The following ZNF341 variants were observed in gnomAD, a reference collection of about 807,000 sequenced individuals.
ZNF341 encodes zinc finger protein 341.
ZNF341 carries 52 observed loss-of-function variants against 87.7 expected under a neutral mutation model. The ratio of observed to expected loss-of-function variants is 0.59; its 90% CI spans 0.47 to 0.75. The LOEUF (loss-of-function observed/expected upper bound fraction) is 0.75. Among genes scored for constraint, ZNF341 ranks in the 30% least tolerant of loss-of-function variants. The probability of loss-of-function intolerance (pLI) is 0.00; values close to 1 mark genes in which losing one functional copy is unlikely to be tolerated. For missense variants in ZNF341, 977 were observed against 1,145.9 expected (o/e 0.85, Z 2.13); for synonymous variants, 459 against 472.7 (o/e 0.97, Z 0.38).
chr20:33,786,967 CA>C (rs750671462), intron 12 of ZNF341: 7,245 of 79,854 alleles, frequency 0.091, 313 homozygotes, highest in African/African-American at 0.16. Flanking sequence ...GACTCTGTTT[CA>C]AAAAAAAAAA....
chr20:33,789,783 T>C (rs2019959381), intron 14 of ZNF341, among the ~76,000 whole-genome samples, 195 bp downstream of exon 14: 1 of 152,144 alleles, frequency 6.6e-6, no homozygotes, highest in African/African-American at 2.4e-5. Flanking sequence ...CAGAGATGAA[T>C]CAGACACAGT....
At chr20:33,777,120 C>G (rs139849367) in intron 10 of ZNF341, among the ~76,000 whole-genome samples, 1 of 142,910 alleles carries the variant, frequency 7.0e-6, no homozygotes, top group East Asian at 2.0e-4. Context: ...TTGAGACCAA[C>G]CTGGACTACG....
intron 10 of ZNF341, among the ~76,000 whole-genome samples, chr20:33,780,355 G>C (rs2019715798): frequency 6.6e-6 from 1 of 152,122 alleles, no homozygotes; most frequent in East Asian, 1.9e-4. Context: ...GGCCTTGTAG[G>C]CCAAGGTGGG....
intron 10 of ZNF341, 124 bp from the exon 11 acceptor site, chr20:33,781,167 G>T: frequency 1.4e-6 from 1 of 737,512 alleles, no homozygotes; most frequent in Non-Finnish European, 2.4e-6. Flanking sequence ...TGAGAAGAGT[G>T]GATGGATTTG....
chr20:33,750,509 G>A (rs2019032866), intron 4 of ZNF341, among the ~76,000 whole-genome samples: 1 of 152,102 alleles, frequency 6.6e-6, no homozygotes, highest in South Asian at 2.1e-4. Flanking sequence ...GGTCACTCAG[G>A]CTGGAGTACA....
rs374272660 is a variant in ZNF341, at chr20:33,770,299, G to A, written c.1622+7G>A. 2.1e-6 allele frequency: 2 copies of A among 955,472 alleles called. No individual in the cohort carries two copies. Among genetic ancestry groups the A allele is most frequent in the Non-Finnish European group, 3.1e-6 (2 of 653,884 alleles). 59.2% of individuals were successfully genotyped at this position (955,472 alleles called of 1,614,324 possible). ...AGGACAATGCCGTCTACAAGTAAGT[G>A]CCTCCTGCTTCCCTCTCCCTGGGTG... On this transcript the variant is annotated splice_region_variant and intron_variant, in intron 10 of 14. Coordinates refer to ENST00000375200, the MANE Select transcript of ZNF341 (RefSeq NM_001282933.2).
chr20:33,775,705 T>C (rs2019614178), intron 10 of ZNF341, among the ~76,000 whole-genome samples: 1 of 152,090 alleles, frequency 6.6e-6, no homozygotes, highest in African/African-American at 2.4e-5. Flanking sequence ...TTATTATTGA[T>C]TGATTGATTT....
chr20:33,764,068 A>G (rs2019348243), intron 8 of ZNF341, among the ~76,000 whole-genome samples: 1 of 137,256 alleles, frequency 7.3e-6, no homozygotes, highest in African/African-American at 2.8e-5. Context: ...TCTGTTGCCC[A>G]GGCTGGAGTG....
rs759934373 is a variant in ZNF341, at chr20:33,761,993, A to T, written c.1160A>T (p.Asn387Ile). ...CACAGTGGTGGCACCGTGTCTCGAA[A>T]CTCTGTGACCGTACAGGTCATGGCC... The part of the protein sequence containing the change: ...PGHSGGTVSR[N>I]SVTVQVMALN... Residue 387 changes from asparagine (N) to isoleucine (I), a missense_variant, in exon 8 of 15, where the codon AAC (asparagine) becomes ATC (isoleucine). Transcript: ENST00000375200. The T allele has an allele frequency of 6.2e-7, 1 of 1,605,054 alleles. No individual in the cohort carries two copies. Among genetic ancestry groups the T allele is most frequent in the South Asian group, 1.1e-5 (1 of 90,148 alleles).
intron 12 of ZNF341, chr20:33,787,673 G>A (rs1213317617): frequency 6.6e-6 from 1 of 152,236 alleles, no homozygotes; most frequent in African/African-American, 2.4e-5. Flanking sequence ...TAGCTCAGAT[G>A]GGCTCTGGAT....
Position 33,758,758 on chromosome 20 carries a change from G to A in ZNF341, c.980G>A (p.Cys327Tyr). The change falls in exon 7 of 15, where the codon TGT becomes TAT. Residue 327 changes from cysteine (C) to tyrosine (Y), a missense_variant. By Grantham distance (194) the Cys-to-Tyr change is radical (BLOSUM62 -2). Around this residue, in one of 3 missense-constraint regions of ZNF341, gnomAD observed 515 missense variants for 598.2 expected, o/e 0.86. Coordinates refer to ENST00000375200, the MANE Select transcript of ZNF341 (RefSeq NM_001282933.2). ...PKAQKLKCSY[C>Y]DKSFTKNFDL... ...GCTCAGAAACTCAAGTGCTCATACT[G>A]TGACAAGTCATTCACCAAAAACTTT... 6.2e-7 allele frequency: 1 copy of A among 1,614,006 alleles called. No homozygotes were observed. The highest frequency in any genetic ancestry group is 1.1e-5 in the South Asian group (1 of 91,018).
intron 2 of ZNF341, among the ~76,000 whole-genome samples, chr20:33,741,922 GC>G (rs1308191299): frequency 6.6e-6 from 1 of 152,174 alleles, no homozygotes; most frequent in Non-Finnish European, 1.5e-5. Flanking sequence ...CAATTGTTCT[GC>G]CTCATAGGAA....
chr20:33,790,164 C>T (rs2019970687), intron 14 of ZNF341, among the ~76,000 whole-genome samples: 1 of 151,624 alleles, frequency 6.6e-6, no homozygotes, highest in Admixed American at 6.6e-5. Flanking sequence ...CTCTGCCTCC[C>T]AGGTTCAAGC....
rs2018593265 is a variant in ZNF341, at chr20:33,732,513, C to G, written c.31+461C>G. On this transcript the variant is annotated intron_variant, in intron 1 of 14. Transcript: ENST00000375200. The surrounding 1 kb of genome is among the most constrained non-coding windows in gnomAD (Gnocchi z 4.5). ...TGCGGAGCGGACTGTATGCCTCGTG[C>G]TAGGACGTAGTCTCAAAATCAGACC... is the stretch of plus-strand genomic sequence containing the variant. Among the ~76,000 whole-genome samples the G allele has an allele frequency of 6.6e-6, 1 of 152,236 alleles. No homozygotes were observed. The highest frequency in any genetic ancestry group is 1.5e-5 in the Non-Finnish European group (1 of 68,034).
chr20:33,791,697 C>A lies in ZNF341; in HGVS notation c.*180C>A. 1.5e-6 allele frequency: 1 copy of A among 675,662 alleles called. No homozygotes were observed. The highest frequency in any genetic ancestry group is 2.4e-6 in the Non-Finnish European group (1 of 424,562). 41.9% of individuals were successfully genotyped at this position (675,662 alleles called of 1,614,324 possible). A position where few individuals can be genotyped will look rare whatever the true frequency, so the allele number is the denominator to read the frequency against. On this transcript the variant is annotated 3_prime_UTR_variant, in exon 15 of 15. Transcript: ENST00000375200. ...TCGCCCTCCTGTGCCCCTCTCCTGC[C>A]GGAAAGCCCTGCAACATTCTAGGGT...
In ZNF341 at chr20:33,761,938, A is replaced by G. The variant is rs1601258772; in HGVS notation, c.1105A>G (p.Met369Val). 1.2e-6 allele frequency: 2 copies of G among 1,608,362 alleles called. No homozygotes were observed. Among genetic ancestry groups the G allele is most frequent in the Non-Finnish European group, 1.7e-6 (2 of 1,176,002 alleles). The change falls in exon 8 of 15, where the codon ATG becomes GTG. Residue 369 changes from methionine (M) to valine (V), a missense_variant. Coordinates refer to ENST00000375200, the MANE Select transcript of ZNF341 (RefSeq NM_001282933.2). ...CCAGAAGTCTAATGTTAAGAAACAC[A>G]TGCAGACCCACAAGGTGTGGCCTCC... ...FAQKSNVKKHMQTHKVWPPGH... is the reference protein window; with the variant it reads ...FAQKSNVKKHVQTHKVWPPGH...
At position 33,740,894 on chromosome 20, in the gene ZNF341, T is replaced by C; in HGVS notation, c.32-8T>C. ...TACCTTCCAAAGAGGCTGCACTTCTTTTTTCAGGAATGGACAATCAGACCG... is the reference window on the plus strand; with the variant it reads ...TACCTTCCAAAGAGGCTGCACTTCTCTTTTCAGGAATGGACAATCAGACCG... On this transcript the variant is annotated splice_polypyrimidine_tract_variant and splice_region_variant and intron_variant, in intron 1 of 14. Coordinates refer to ENST00000375200, the MANE Select transcript of ZNF341 (RefSeq NM_001282933.2). 6.2e-7 allele frequency: 1 copy of C among 1,613,806 alleles called. No homozygotes were observed. Among genetic ancestry groups the C allele is most frequent in the Non-Finnish European group, 8.5e-7 (1 of 1,179,746 alleles).
chr20:33,753,023 GT>G, intron 4 of ZNF341, 148 bp from the exon 5 acceptor site: 1 of 1,168,534 alleles, frequency 8.6e-7, no homozygotes, highest in Non-Finnish European at 1.2e-6. Context: ...CCATGACTTT[GT>G]TTCCCCAACC....
Position 33,770,064 on chromosome 20 carries a change from GC to G in ZNF341, c.1414-17del. On this transcript the variant is annotated intron_variant, in intron 9 of 14. Coordinates refer to ENST00000375200, the MANE Select transcript of ZNF341 (RefSeq NM_001282933.2). The stretch of plus-strand genomic sequence containing the variant: ...GAAGCTCTCCTGCCTCCTGTCACCT[GC>G]CCAGCGTCTTCCCTCAAGGTGTACA... 6.3e-7 allele frequency: 1 copy of G among 1,599,840 alleles called. No individual in the cohort carries two copies. The highest frequency in any genetic ancestry group is 8.6e-7 in the Non-Finnish European group (1 of 1,168,942).
Sources: allele counts gnomAD v4.1 joint callset (sites outside exome capture counted in the v4.1 genomes callset), GRCh38; gene constraint gnomAD v4.1.1; regional missense constraint gnomAD v4.1.1; non-coding constraint Gnocchi (gnomAD v3.1); transcripts MANE v1.5; gene names NCBI Gene and HGNC (gene_info 2026-07-23, HGNC 2026-07-21).